SLC25A48: variants seen among roughly 807,000 people sequenced by gnomAD.
SLC25A48 encodes solute carrier family 25 member 48.
In SLC25A48, 29 loss-of-function variants were observed where a neutral mutation model predicts 32.2. That is an observed-to-expected ratio of 0.90 (90% CI 0.67 to 1.23). The LOEUF (loss-of-function observed/expected upper bound fraction) is 1.23, where lower values mean the gene tolerates loss of function less well. SLC25A48 is among the 50% of genes most tolerant of loss of function. The probability of loss-of-function intolerance (pLI) is 0.00; values close to 1 mark genes in which losing one functional copy is unlikely to be tolerated. For missense variants in SLC25A48, 399 were observed against 422.7 expected (o/e 0.94, Z 0.49); for synonymous variants, 164 against 172.3 (o/e 0.95, Z 0.38).
At chr5:135,851,744 G>T (rs1019422621) in intron 3 of SLC25A48, among the ~76,000 whole-genome samples, 2 of 152,134 alleles carry the variant, frequency 1.3e-5, no homozygotes, top group Admixed American at 6.5e-5. Flanking sequence ...ATTTGATTTG[G>T]CACGCGTGTG....
chr5:135,785,212 T>A (rs7380073), intron 3 of SLC25A48, among the ~76,000 whole-genome samples: 46,261 of 152,004 alleles, frequency 0.3, 7,187 homozygotes, highest in East Asian at 0.46. Flanking sequence ...CACTGTGTGT[T>A]CACCCCCCTT....
intron 3 of SLC25A48, among the ~76,000 whole-genome samples, chr5:135,710,513 G>C (rs893991400): frequency 1.3e-5 from 2 of 152,210 alleles, no homozygotes; most frequent in Admixed American, 1.3e-4. Flanking sequence ...GAGCCAGACT[G>C]TCTGGGATCA....
chr5:135,723,990 C>A (rs1441587112), intron 3 of SLC25A48, among the ~76,000 whole-genome samples: 1 of 152,210 alleles, frequency 6.6e-6, no homozygotes, highest in Non-Finnish European at 1.5e-5. Flanking sequence ...GAGGTCTTCT[C>A]TACTTATTTA....
At position 135,614,965 on chromosome 5, in the gene SLC25A48, C is replaced by T. The variant is rs189623397; in HGVS notation, c.-848-14272C>T. On this transcript the variant is annotated intron_variant, in intron 1 of 10. Coordinates refer to the SLC25A48 transcript ENST00000646290. ...TCCTGCTTCAGCCATGTAAGACGTG[C>T]CTGCTTTCTCTTCACCCTCTGCCAT... Among the ~76,000 whole-genome samples the T allele has an allele frequency of 3.3e-5, 5 of 152,314 alleles. No homozygotes were observed. The East Asian group carries it at 9.6e-4, about 29-fold the overall frequency.
At chr5:135,608,860 C>T (rs1752000926) in intron 1 of SLC25A48, among the ~76,000 whole-genome samples, 1 of 152,196 alleles carries the variant, frequency 6.6e-6, no homozygotes, top group South Asian at 2.1e-4. Flanking sequence ...GTGTCCTTTG[C>T]TGGACTTGCT....
intron 3 of SLC25A48, among the ~76,000 whole-genome samples, chr5:135,714,211 G>C (rs984832824): frequency 6.6e-6 from 1 of 152,194 alleles, no homozygotes; most frequent in Admixed American, 6.5e-5. Flanking sequence ...GGAGGCCAAC[G>C]GATGGGCAGT....
At chr5:135,719,628 T>C (rs756317542) in intron 3 of SLC25A48, among the ~76,000 whole-genome samples, 26 of 152,186 alleles carry the variant, frequency 1.7e-4, no homozygotes, top group Non-Finnish European at 2.9e-4. Context: ...CTCAGGAATG[T>C]GTCCTGGAGT....
At chr5:135,774,881 A>G (rs1481253540) in intron 3 of SLC25A48, among the ~76,000 whole-genome samples, 2 of 151,766 alleles carry the variant, frequency 1.3e-5, no homozygotes, top group Non-Finnish European at 2.9e-5. Context: ...TACTCCCAAT[A>G]TTGCAGAAGG....
intron 1 of SLC25A48, among the ~76,000 whole-genome samples, chr5:135,610,558 T>C (rs1033165787): frequency 2.0e-5 from 3 of 152,242 alleles, no homozygotes; most frequent in Non-Finnish European, 1.5e-5. Flanking sequence ...GATATTAGGA[T>C]GAAAACTTCT....
rs1169327210 is a variant in SLC25A48 at position 135,782,402 on chromosome 5, A to G, written c.-520-30121A>G. ...ATGTGAGAGGATGATATCACCCCCA[A>G]TACCGCAGCAGGTGCACATCGCTTC... On this transcript the variant is annotated intron_variant, in intron 3 of 10. Transcript: ENST00000646290. Among the ~76,000 whole-genome samples, 4 of 117,246 alleles carry G rather than the reference A, an allele frequency of 3.4e-5. No homozygotes were observed. In the East Asian group the frequency reaches 8.5e-4, roughly 25 times the overall value. 76.9% of individuals were successfully genotyped at this position (117,246 alleles called of 152,430 possible). A position where few individuals can be genotyped will look rare whatever the true frequency, so the allele number is the denominator to read the frequency against.
In SLC25A48 at chr5:135,598,298, T is replaced by A. The variant is rs191084891; in HGVS notation, c.-849+18701T>A. On this transcript the variant is annotated intron_variant, in intron 1 of 10. Coordinates refer to the SLC25A48 transcript ENST00000646290. ...TTTAGGGGCTTCCCTTACCCAGTGG[T>A]TCTTCCTATTGCATTATCTCATTTA... Among the ~76,000 whole-genome samples, 18 of 152,342 alleles carry A rather than the reference T, an allele frequency of 1.2e-4. No homozygotes were observed. In the East Asian group the frequency reaches 3.5e-3, roughly 29 times the overall value.
At chr5:135,710,243 A>G (rs932958273) in intron 3 of SLC25A48, among the ~76,000 whole-genome samples, 1 of 152,240 alleles carries the variant, frequency 6.6e-6, no homozygotes, top group Non-Finnish European at 1.5e-5. Context: ...ACAGCTTTGC[A>G]GTCTGTATGT....
rs373944700 is a variant in SLC25A48, at chr5:135,847,131, G to A, written c.91-3294G>A. Among the ~76,000 whole-genome samples the A allele has an allele frequency of 7.6e-4, 115 of 152,292 alleles. 1 individual carries two copies. The South Asian group carries it at 9.3e-3, about 12-fold the overall frequency. On this transcript the variant is annotated intron_variant, in intron 2 of 7. Transcript: ENST00000681962. ...TGAGTGCTCTGGACACCTCAGATTTGGAGATATTTTCCATAATAACTAAAA... is the reference window on the plus strand; with the variant it reads ...TGAGTGCTCTGGACACCTCAGATTTAGAGATATTTTCCATAATAACTAAAA...
At chr5:135,722,671 A>C (rs974124264) in intron 3 of SLC25A48, among the ~76,000 whole-genome samples, 3 of 152,198 alleles carry the variant, frequency 2.0e-5, no homozygotes, top group Non-Finnish European at 4.4e-5. Context: ...TGAGGGTTGA[A>C]TTGAATAACG....
At chr5:135,794,256 T>C (rs1757108805) in intron 3 of SLC25A48, among the ~76,000 whole-genome samples, 1 of 151,648 alleles carries the variant, frequency 6.6e-6, no homozygotes, top group Non-Finnish European at 1.5e-5. Flanking sequence ...GAGTGGATGA[T>C]GTTACTCCCA....
At chr5:135,764,978 T>C (rs547160763) in intron 3 of SLC25A48, among the ~76,000 whole-genome samples, 3 of 151,920 alleles carry the variant, frequency 2.0e-5, no homozygotes, top group East Asian at 1.9e-4. Flanking sequence ...CCCTGTGATA[T>C]GGTTCATAAT....
intron 3 of SLC25A48, among the ~76,000 whole-genome samples, chr5:135,851,401 C>G (rs1367263779): frequency 6.6e-6 from 1 of 152,182 alleles, no homozygotes; most frequent in Non-Finnish European, 1.5e-5. Context: ...TGTTGATTCT[C>G]CTTTTGGCAC....
chr5:135,736,147 G>A (rs1755355350), intron 3 of SLC25A48, among the ~76,000 whole-genome samples: 1 of 152,138 alleles, frequency 6.6e-6, no homozygotes, highest in Non-Finnish European at 1.5e-5. Context: ...GGTTGGGACT[G>A]AGGGGACAGG....
intron 1 of SLC25A48, among the ~76,000 whole-genome samples, chr5:135,842,182 T>A (rs1759056974): frequency 1.3e-5 from 2 of 152,234 alleles, no homozygotes; most frequent in Non-Finnish European, 2.9e-5. Context: ...CCTGTGAATA[T>A]CCACTTGTCC....
Sources: gnomAD v4.1 joint callset for allele counts (sites outside exome capture counted in the v4.1 genomes callset) on GRCh38, gnomAD v4.1.1 for gene constraint, MANE v1.5 for transcripts, NCBI Gene and HGNC (gene_info 2026-07-23, HGNC 2026-07-21) for gene names.